The following SYNPO2 variants were observed in gnomAD, a reference collection of about 807,000 sequenced individuals.
SYNPO2 encodes the protein synaptopodin-2.
In SYNPO2, 56 loss-of-function variants were observed where a neutral mutation model predicts 85.0. The ratio of observed to expected loss-of-function variants is 0.66; its 90% CI spans 0.53 to 0.82. The LOEUF is 0.82. Among genes scored for constraint, SYNPO2 ranks in the 40% least tolerant of loss-of-function variants. SYNPO2 has a pLI of 0.00. For synonymous variants in SYNPO2, 602 were observed against 591.1 expected, an observed-to-expected ratio of 1.02 and a Z score of -0.27; for missense variants, 1,575 against 1,534.2, an observed-to-expected ratio of 1.03 and a Z score of -0.44.
intron 1 of SYNPO2, among the ~76,000 whole-genome samples, chr4:118,991,056 A>G (rs149807246): frequency 1.0e-3 from 159 of 152,348 alleles, no homozygotes; most frequent in African/African-American, 3.8e-3. Flanking sequence ...TGTGCAGCTA[A>G]TACCATCAGT....
At chr4:119,024,817 C>A (rs1257299787) in intron 2 of SYNPO2, among the ~76,000 whole-genome samples, 1 of 152,152 alleles carries the variant, frequency 6.6e-6, no homozygotes, top group Non-Finnish European at 1.5e-5. Flanking sequence ...TTGTTTCCTG[C>A]AATAAATATT....
intron 4 of SYNPO2, among the ~76,000 whole-genome samples, chr4:119,056,144 C>T (rs1993610): frequency 1 from 152,340 of 152,342 alleles, 76,169 homozygotes; most frequent in Non-Finnish European, 1. Flanking sequence ...TTATCTCACA[C>T]AGCCTCATGC....
rs959182582 is a variant in SYNPO2 at position 119,059,583 on chromosome 4, C to A, written c.*1649C>A. 2.0e-5 allele frequency: 3 copies of A among 152,050 alleles called. No homozygotes were observed. The highest frequency in any genetic ancestry group is 7.2e-5 in the African/African-American group (3 of 41,392). The allele number at this position is 152,050 out of a possible 1,614,324, so 9.4% of individuals were successfully genotyped here. ...TAAGTAAAAAACCATCTTAAGTATT[C>A]AAAATTTCCTTGGTTTTTTAAAGGT... is the stretch of plus-strand genomic sequence containing the variant. On this transcript the variant is annotated 3_prime_UTR_variant, in exon 5 of 5. Coordinates refer to ENST00000307142, the MANE Select transcript of SYNPO2 (RefSeq NM_133477.3).
chr4:119,046,751 T>C (rs1033456623), intron 4 of SYNPO2, among the ~76,000 whole-genome samples: 2 of 152,216 alleles, frequency 1.3e-5, no homozygotes, highest in Non-Finnish European at 2.9e-5. Flanking sequence ...TTGAATTGCG[T>C]GGATAACAAA....
chr4:118,866,380 C>A (rs766961077), intron 1 of SYNPO2, among the ~76,000 whole-genome samples: 2 of 152,148 alleles, frequency 1.3e-5, no homozygotes, highest in African/African-American at 2.4e-5. Context: ...TGGTTGAGAA[C>A]GACTGCTCCA....
rs1261809470 is a variant in SYNPO2 at position 118,889,049 on chromosome 4, G to A, written c.13G>A (p.Asp5Asn). ...CTAAAAGGAAAACATGGGCACAGGG[G>A]ATTTTATCTGCATTTCCATGACTGG... MGTG[D>N]FICISMTGGA... The change falls in exon 1 of 5, where the codon GAT becomes AAT. Residue 5 changes from aspartate to asparagine, a missense_variant. Transcript: ENST00000307142. 3 of 1,614,192 alleles carry A rather than the reference G, an allele frequency of 1.9e-6. No individual in the cohort carries two copies. Among genetic ancestry groups the A allele is most frequent in the Admixed American group, 1.7e-5 (1 of 60,034 alleles).
intron 1 of SYNPO2, among the ~76,000 whole-genome samples, chr4:118,935,369 T>C (rs1443881880): frequency 6.6e-6 from 1 of 152,268 alleles, no homozygotes; most frequent in Non-Finnish European, 1.5e-5. Context: ...CTCTAATCTG[T>C]AATCATTAAT....
chr4:118,858,517 A>T (rs888490307), intron 1 of SYNPO2, among the ~76,000 whole-genome samples: 2 of 152,066 alleles, frequency 1.3e-5, no homozygotes, highest in Non-Finnish European at 2.9e-5. Flanking sequence ...CCCTTTCTCT[A>T]TGAAGGCCTG....
chr4:118,932,963 T>C (rs1733981949), intron 1 of SYNPO2, among the ~76,000 whole-genome samples: 1 of 152,170 alleles, frequency 6.6e-6, no homozygotes, highest in Non-Finnish European at 1.5e-5. Context: ...AATTCACAAT[T>C]TTATTTTAAT....
At chr4:118,862,386 G>A (rs924639234) in intron 1 of SYNPO2, among the ~76,000 whole-genome samples, 1 of 152,084 alleles carries the variant, frequency 6.6e-6, no homozygotes, top group African/African-American at 2.4e-5. Flanking sequence ...GTGACAGTGG[G>A]CATCCTTGTG....
intron 1 of SYNPO2, among the ~76,000 whole-genome samples, chr4:118,910,303 C>G (rs945009310): frequency 6.6e-6 from 1 of 152,204 alleles, no homozygotes; most frequent in Non-Finnish European, 1.5e-5. Context: ...AGAATGAGAT[C>G]AGTCAACTTT....
At chr4:118,888,139 T>C (rs1374335370), upstream of SYNPO2, among the ~76,000 whole-genome samples, 2 of 152,068 alleles carry the variant, frequency 1.3e-5, no homozygotes, top group Admixed American at 1.3e-4. Flanking sequence ...AACTGTTGGG[T>C]TTGGGTTTAA....
chr4:118,871,275 C>CTT (rs144683675), intron 1 of SYNPO2, among the ~76,000 whole-genome samples: 28 of 146,228 alleles, frequency 1.9e-4, no homozygotes, highest in African/African-American at 7.0e-4. Flanking sequence ...TTCTTTATTT[C>CTT]TTTTTTTTTT....
intron 1 of SYNPO2, among the ~76,000 whole-genome samples, chr4:118,963,079 G>A (rs1560916398): frequency 6.6e-6 from 1 of 152,156 alleles, no homozygotes; most frequent in Non-Finnish European, 1.5e-5. Flanking sequence ...ACATATCTGA[G>A]AGTGAACTCA....
At chr4:119,034,375 G>A (rs1199373485) in intron 4 of SYNPO2, 2 of 974,956 alleles carry the variant, frequency 2.1e-6, no homozygotes, top group Non-Finnish European at 2.4e-6. Flanking sequence ...CTAGTGGTGT[G>A]GTATGCAGGA....
At chr4:118,870,128 G>A (rs1431790697) in intron 1 of SYNPO2, among the ~76,000 whole-genome samples, 1 of 152,180 alleles carries the variant, frequency 6.6e-6, no homozygotes, top group Non-Finnish European at 1.5e-5. Context: ...CAAACTCAGT[G>A]GTTGCTGTTT....
intron 1 of SYNPO2, among the ~76,000 whole-genome samples, chr4:118,901,702 T>C (rs1732761318): frequency 6.6e-6 from 1 of 152,184 alleles, no homozygotes; most frequent in African/African-American, 2.4e-5. Context: ...CATAATATAT[T>C]GCAAAATACT....
In SYNPO2 at chr4:119,023,532, A is replaced by G; in HGVS notation, c.208A>G (p.Ile70Val). 6.2e-7 allele frequency: 1 copy of G among 1,613,996 alleles called. No individual in the cohort carries two copies. Among genetic ancestry groups the G allele is most frequent in the Non-Finnish European group, 8.5e-7 (1 of 1,179,892 alleles). The change falls in exon 2 of 5, where the codon ATC becomes GTC. Residue 70 changes from isoleucine (I) to valine (V), a missense_variant. Transcript: ENST00000307142. ...PCADLTYPEV[I>V]KLMESITDSL... is the part of the protein sequence containing the mutation. ...TGCAGATCTCACCTACCCTGAAGTC[A>G]TCAAGCTCATGGAAAGCATAACAGA...
intron 1 of SYNPO2, among the ~76,000 whole-genome samples, chr4:118,867,947 C>G (rs894132383): frequency 6.6e-6 from 1 of 151,562 alleles, no homozygotes; most frequent in African/African-American, 2.4e-5. Context: ...CTGAACATTT[C>G]CCTACAGTCA....
Sources: allele counts gnomAD v4.1 joint callset (sites outside exome capture counted in the v4.1 genomes callset), GRCh38; gene constraint gnomAD v4.1.1; transcripts MANE v1.5; gene names NCBI Gene and HGNC (gene_info 2026-07-23, HGNC 2026-07-21).